Variants in FBXL7 observed in about 807,000 individuals in gnomAD.
FBXL7 encodes F-box/LRR-repeat protein 7.
Under a neutral mutation model 38.3 loss-of-function variants are expected in FBXL7, and 12 were observed. The ratio of observed to expected loss-of-function variants is 0.31; its 90% CI spans 0.20 to 0.51. The LOEUF (loss-of-function observed/expected upper bound fraction) is 0.51. FBXL7 is among the 20% of genes least tolerant of loss of function. The pLI, the probability that FBXL7 is intolerant of heterozygous loss-of-function variation, is 0.98. For synonymous variants in FBXL7, 297 were observed against 300.9 expected (o/e 0.99, Z 0.13); for missense variants, 567 against 676.4 (o/e 0.84, Z 1.79).
intron 2 of FBXL7, among the ~76,000 whole-genome samples, chr5:15,791,083 G>GGGGTT (rs1737265824): frequency 8.1e-6 from 1 of 122,826 alleles, no homozygotes; most frequent in African/African-American, 3.0e-5. Context: ...GGGGGGGGGG[G>GGGGTT]TTATTGCATG....
chr5:15,712,363 A>C (rs1171898413), intron 2 of FBXL7, among the ~76,000 whole-genome samples: 1 of 151,968 alleles, frequency 6.6e-6, no homozygotes, highest in Admixed American at 6.6e-5. Context: ...AAAAAAAAAA[A>C]AAAACCTAAA....
At position 15,667,551 on chromosome 5, in the gene FBXL7, C is replaced by T. The variant is rs951569164; in HGVS notation, c.127+51479C>T. Reference sequence around the variant, plus strand: ...GTGTAAATTTCATTCAAATACCCGCCTATTTTGATTCTGTGTAAGAAAGTT... The same window carrying T: ...GTGTAAATTTCATTCAAATACCCGCTTATTTTGATTCTGTGTAAGAAAGTT... On this transcript the variant is annotated intron_variant, in intron 2 of 3. Coordinates refer to ENST00000504595, the MANE Select transcript of FBXL7 (RefSeq NM_012304.5). Among the ~76,000 whole-genome samples, 11 of 152,130 alleles carry T rather than the reference C, an allele frequency of 7.2e-5. 1 individual carries two copies. Among genetic ancestry groups the T allele is most frequent in the South Asian group, 4.1e-4 (2 of 4,826 alleles).
intron 1 of FBXL7, among the ~76,000 whole-genome samples, chr5:15,512,192 G>A (rs1280808381): frequency 6.6e-6 from 1 of 152,102 alleles, no homozygotes; most frequent in African/African-American, 2.4e-5. Context: ...TTAGGTCCTG[G>A]GGTAAGCCCT....
intron 2 of FBXL7, among the ~76,000 whole-genome samples, chr5:15,870,856 C>G (rs1222260886): frequency 6.6e-6 from 1 of 152,156 alleles, no homozygotes; most frequent in African/African-American, 2.4e-5. Flanking sequence ...GGCAAGCACC[C>G]AGGGGAAGGG....
intron 1 of FBXL7, among the ~76,000 whole-genome samples, chr5:15,577,644 A>G (rs1264598262): frequency 1.3e-5 from 2 of 150,478 alleles, no homozygotes; most frequent in Non-Finnish European, 3.0e-5. Flanking sequence ...GTGTCTATTT[A>G]TAGATTAAGG....
intron 2 of FBXL7, among the ~76,000 whole-genome samples, chr5:15,716,183 A>C (rs977750162): frequency 2.0e-5 from 3 of 152,192 alleles, no homozygotes; most frequent in Non-Finnish European, 4.4e-5. Flanking sequence ...TCTATTGTTT[A>C]TCCTTACTCC....
At chr5:15,833,060 C>G (rs1277679204) in intron 2 of FBXL7, among the ~76,000 whole-genome samples, 1 of 152,158 alleles carries the variant, frequency 6.6e-6, no homozygotes, top group Non-Finnish European at 1.5e-5. Flanking sequence ...CACCTTCCAC[C>G]ATGATTGTGA....
intron 2 of FBXL7, among the ~76,000 whole-genome samples, chr5:15,655,466 C>T (rs1278596661): frequency 1.3e-5 from 2 of 151,010 alleles, no homozygotes; most frequent in African/African-American, 4.9e-5. Flanking sequence ...TGCACTCCAG[C>T]CTGGGTGACA....
chr5:15,850,888 T>C (rs1413726492), intron 2 of FBXL7, among the ~76,000 whole-genome samples: 1 of 152,234 alleles, frequency 6.6e-6, no homozygotes, highest in Non-Finnish European at 1.5e-5. Context: ...AAGTCAACAC[T>C]GGATTTTCCT....
chr5:15,609,656 T>A (rs1195404538), intron 1 of FBXL7, among the ~76,000 whole-genome samples: 1 of 152,188 alleles, frequency 6.6e-6, no homozygotes, highest in African/African-American at 2.4e-5. Context: ...CAACAGACTT[T>A]CCTTGACTTG....
At chr5:15,586,361 C>T (rs1466993763) in intron 1 of FBXL7, among the ~76,000 whole-genome samples, 1 of 146,178 alleles carries the variant, frequency 6.8e-6, no homozygotes, top group African/African-American at 2.5e-5. Flanking sequence ...CTCTGTTTCT[C>T]TTCCCCTCCC....
chr5:15,731,364 T>A (rs202110715), intron 2 of FBXL7, among the ~76,000 whole-genome samples: 2 of 152,026 alleles, frequency 1.3e-5, no homozygotes, highest in East Asian at 3.9e-4. Context: ...AAGAGAAAGC[T>A]TGTGCAGAGA....
At chr5:15,596,267 A>T (rs1739622480) in intron 1 of FBXL7, among the ~76,000 whole-genome samples, 1 of 152,234 alleles carries the variant, frequency 6.6e-6, no homozygotes, top group South Asian at 2.1e-4. Flanking sequence ...TCTTTAGATT[A>T]AAAAAGCATG....
At chr5:15,659,131 GAGAACGGAC>G (rs1268271538) in intron 2 of FBXL7, among the ~76,000 whole-genome samples, 2 of 152,110 alleles carry the variant, frequency 1.3e-5, no homozygotes. Flanking sequence ...TTAGCAGTGG[GAGAACGGAC>G]TGATACACTG....
chr5:15,804,293 C>T (rs1354307343), intron 2 of FBXL7, among the ~76,000 whole-genome samples: 1 of 151,946 alleles, frequency 6.6e-6, no homozygotes, highest in Non-Finnish European at 1.5e-5. Flanking sequence ...CACAGAGAGA[C>T]CCCATCTTTA....
chr5:15,536,423 T>C (rs1390946881), intron 1 of FBXL7, among the ~76,000 whole-genome samples: 2 of 152,236 alleles, frequency 1.3e-5, no homozygotes, highest in African/African-American at 4.8e-5. Flanking sequence ...GGCTGTGCCC[T>C]GCAGAGCGAC....
intron 2 of FBXL7, among the ~76,000 whole-genome samples, chr5:15,915,052 T>G (rs10042283): frequency 0.5 from 75,886 of 152,188 alleles, 22,952 homozygotes; most frequent in African/African-American, 0.85. Flanking sequence ...TGAAAATTCA[T>G]CAGTTAATCT....
chr5:15,787,990 T>C (rs1440318699), intron 2 of FBXL7, among the ~76,000 whole-genome samples: 1 of 152,186 alleles, frequency 6.6e-6, no homozygotes, highest in Non-Finnish European at 1.5e-5. Context: ...CTTTGAATGC[T>C]CTAGAGGAGA....
chr5:15,882,306 A>C (rs1740488907), intron 2 of FBXL7, among the ~76,000 whole-genome samples: 1 of 152,172 alleles, frequency 6.6e-6, no homozygotes, highest in South Asian at 2.1e-4. Flanking sequence ...TGAATGTAAG[A>C]TCCTAGAAGA....
Sources: gnomAD v4.1 joint callset for allele counts (sites outside exome capture counted in the v4.1 genomes callset) on GRCh38, gnomAD v4.1.1 for gene constraint, MANE v1.5 for transcripts, NCBI Gene and HGNC (gene_info 2026-07-23, HGNC 2026-07-21) for gene names.